PRR16: variants seen among roughly 807,000 people sequenced by gnomAD.
The protein encoded by PRR16 is protein Largen.
Under a neutral mutation model 18.2 loss-of-function variants are expected in PRR16, and 6 were observed. The ratio of observed to expected loss-of-function variants is 0.33; its 90% CI spans 0.18 to 0.65. PRR16 has a LOEUF of 0.65. Among genes scored for constraint, PRR16 ranks in the 30% least tolerant of loss-of-function variants. The pLI is 0.74. For synonymous variants in PRR16, 151 were observed against 147.8 expected (o/e 1.02, Z -0.16); for missense variants, 412 against 376.6 (o/e 1.09, Z -0.78).
At position 120,685,941 on chromosome 5, in the gene PRR16, T is replaced by A. The variant is rs757851009; in HGVS notation, c.160-13T>A. On this transcript the variant is annotated splice_polypyrimidine_tract_variant and intron_variant, in intron 1 of 1. Transcript: ENST00000407149. ...GTCATTCTTCAAAACAATTACCTTG[T>A]CCTTTCCACTAGGTGGTTGACCAGA... The A allele has an allele frequency of 6.2e-7, 1 of 1,605,354 alleles. No homozygotes were observed. The highest frequency in any genetic ancestry group is 8.5e-7 in the Non-Finnish European group (1 of 1,175,080).
chr5:120,675,853 T>C (rs1438885857), intron 1 of PRR16, among the ~76,000 whole-genome samples: 1 of 152,144 alleles, frequency 6.6e-6, no homozygotes, highest in Non-Finnish European at 1.5e-5. Flanking sequence ...TATTAGGTAT[T>C]AAATACTTAA....
chr5:120,493,833 G>A (rs556145675), intron 1 of PRR16, among the ~76,000 whole-genome samples: 2 of 152,080 alleles, frequency 1.3e-5, no homozygotes, highest in Non-Finnish European at 2.9e-5. Context: ...TAATACTCTG[G>A]AGATTCATGC....
chr5:120,473,517 T>C (rs1749337642), intron 1 of PRR16, among the ~76,000 whole-genome samples: 1 of 152,160 alleles, frequency 6.6e-6, no homozygotes, highest in Non-Finnish European at 1.5e-5. Context: ...GCAGTATAGG[T>C]TGGTTATGAA....
intron 1 of PRR16, among the ~76,000 whole-genome samples, chr5:120,560,953 C>G (rs1482614922): frequency 6.6e-6 from 1 of 151,986 alleles, no homozygotes; most frequent in Non-Finnish European, 1.5e-5. Context: ...CTTTGATTTT[C>G]TGAAGTATCA....
intron 1 of PRR16, among the ~76,000 whole-genome samples, chr5:120,482,843 C>A (rs761295548): frequency 6.6e-6 from 1 of 152,112 alleles, no homozygotes; most frequent in Non-Finnish European, 1.5e-5. Context: ...TAATGACGAT[C>A]TGCGAACATA....
At chr5:120,555,207 C>T (rs1561543932) in intron 1 of PRR16, among the ~76,000 whole-genome samples, 1 of 151,880 alleles carries the variant, frequency 6.6e-6, no homozygotes, top group East Asian at 1.9e-4. Flanking sequence ...ATTTTCTCTG[C>T]TCCAAATTTT....
intron 1 of PRR16, among the ~76,000 whole-genome samples, chr5:120,550,350 C>T (rs948664802): frequency 2.6e-5 from 4 of 151,884 alleles, no homozygotes; most frequent in African/African-American, 9.7e-5. Context: ...TGGAAAAGCC[C>T]AAAGAAGTAA....
chr5:120,536,411 A>G (rs757368524), intron 1 of PRR16, among the ~76,000 whole-genome samples: 2 of 152,204 alleles, frequency 1.3e-5, no homozygotes, highest in African/African-American at 4.8e-5. Flanking sequence ...ATTTTCTATT[A>G]CAATAAACTT....
chr5:120,708,284 G>A, the PRR16 span, among the ~76,000 whole-genome samples: 1 of 152,120 alleles, frequency 6.6e-6, no homozygotes, highest in African/African-American at 2.4e-5. Context: ...TTACATGAAA[G>A]ACAAAAAGTT....
chr5:120,688,461 A>G (rs1757172913), downstream of PRR16, among the ~76,000 whole-genome samples: 1 of 152,214 alleles, frequency 6.6e-6, no homozygotes, highest in South Asian at 2.1e-4. Flanking sequence ...TTTAATAGAT[A>G]TGAGCCAGGT....
At chr5:120,750,268 C>T in the PRR16 span, among the ~76,000 whole-genome samples, 1 of 151,948 alleles carries the variant, frequency 6.6e-6, no homozygotes, top group Middle Eastern at 3.2e-3. Context: ...ATTGATTCAT[C>T]CTGATATGAT....
intron 1 of PRR16, among the ~76,000 whole-genome samples, chr5:120,519,039 T>G (rs1271273599): frequency 6.6e-6 from 1 of 152,118 alleles, no homozygotes; most frequent in African/African-American, 2.4e-5. Flanking sequence ...TAAATAAGCC[T>G]ACGATTGAAC....
chr5:120,601,200 A>G (rs576411186), intron 1 of PRR16, among the ~76,000 whole-genome samples: 3 of 152,138 alleles, frequency 2.0e-5, no homozygotes, highest in East Asian at 1.9e-4. Flanking sequence ...CAACGTGTAT[A>G]AGCATTCCCT....
At chr5:120,585,205 A>G (rs1753399591) in intron 1 of PRR16, among the ~76,000 whole-genome samples, 1 of 152,182 alleles carries the variant, frequency 6.6e-6, no homozygotes, top group Non-Finnish European at 1.5e-5. Flanking sequence ...TATGCTTCTT[A>G]TTGTTTAAAT....
intron 1 of PRR16, among the ~76,000 whole-genome samples, chr5:120,643,848 T>C (rs1181809272): frequency 1.3e-5 from 2 of 151,922 alleles, no homozygotes; most frequent in African/African-American, 4.8e-5. Context: ...CTTCTAAAAA[T>C]ATAAAAATTA....
the PRR16 span, among the ~76,000 whole-genome samples, chr5:120,706,764 G>A: frequency 1.3e-5 from 2 of 152,162 alleles, no homozygotes; most frequent in African/African-American, 4.8e-5. Context: ...TGTTTCAAGA[G>A]AAGTTAAGAT....
chr5:120,651,991 C>G (rs531795541), intron 1 of PRR16, among the ~76,000 whole-genome samples: 9 of 152,080 alleles, frequency 5.9e-5, no homozygotes, highest in Non-Finnish European at 1.2e-4. Context: ...TCTTTGTATC[C>G]TCTTTTATTT....
intron 1 of PRR16, among the ~76,000 whole-genome samples, chr5:120,564,310 AAC>A (rs748020938): frequency 1.1e-4 from 17 of 152,096 alleles, no homozygotes; most frequent in Non-Finnish European, 2.4e-4. Context: ...AGCCCAGCCC[AAC>A]ACTAGACTTT....
chr5:120,716,600 G>A, the PRR16 span, among the ~76,000 whole-genome samples: 1 of 152,140 alleles, frequency 6.6e-6, no homozygotes, highest in Non-Finnish European at 1.5e-5. Flanking sequence ...TTGGGGCTGG[G>A]CATGGTGGCT....
Sources: gnomAD v4.1 joint callset for allele counts (sites outside exome capture counted in the v4.1 genomes callset) on GRCh38, gnomAD v4.1.1 for gene constraint, MANE v1.5 for transcripts, NCBI Gene and HGNC (gene_info 2026-07-23, HGNC 2026-07-21) for gene names.